RIMS2: variants seen among roughly 807,000 people sequenced by gnomAD.
RIMS2 encodes the protein regulating synaptic membrane exocytosis 2.
In RIMS2, 59 loss-of-function variants were observed where a neutral mutation model predicts 174.4. The ratio of observed to expected loss-of-function variants is 0.34; its 90% CI spans 0.27 to 0.42. RIMS2 has a LOEUF of 0.42. Among genes scored for constraint, RIMS2 ranks in the 10% least tolerant of loss-of-function variants. The pLI, the probability that RIMS2 is intolerant of heterozygous loss-of-function variation, is 1.00. For missense variants in RIMS2, 1,620 were observed against 1,666.3 expected (o/e 0.97, Z 0.48); for synonymous variants, 606 against 572.5 (o/e 1.06, Z -0.84).
intron 1 of RIMS2, among the ~76,000 whole-genome samples, chr8:103,543,663 A>G (rs897931264): frequency 2.6e-5 from 4 of 152,230 alleles, no homozygotes; most frequent in African/African-American, 9.6e-5. Flanking sequence ...GACCAGTGGA[A>G]CAGAATAGAG....
chr8:104,135,613 CAAAA>C (rs35163912), intron 19 of RIMS2, among the ~76,000 whole-genome samples: 3 of 79,686 alleles, frequency 3.8e-5, no homozygotes, highest in African/African-American at 9.3e-5. Context: ...CTCCCAACCT[CAAAA>C]AAAAAAAAAA....
chr8:103,843,374 ATATGCACTCCAGGCATAT>A (rs933739465), intron 3 of RIMS2, among the ~76,000 whole-genome samples: 6 of 152,122 alleles, frequency 3.9e-5, no homozygotes, highest in Admixed American at 1.3e-4. Context: ...AGCCTTGCTA[ATATGCACTCCAGGCATAT>A]TATGCACTCC....
intron 19 of RIMS2, among the ~76,000 whole-genome samples, chr8:104,085,370 G>A (rs2097519701): frequency 6.6e-6 from 1 of 152,152 alleles, no homozygotes; most frequent in Admixed American, 6.6e-5. Flanking sequence ...AGCTATGTTA[G>A]CTCACTGTAA....
chr8:103,644,079 A>G (rs2096280287), intron 1 of RIMS2, among the ~76,000 whole-genome samples: 1 of 151,850 alleles, frequency 6.6e-6, no homozygotes. Flanking sequence ...TTTCACCGAG[A>G]GAACCCGGTG....
intron 17 of RIMS2, among the ~76,000 whole-genome samples, chr8:104,006,277 C>G (rs116915026): frequency 6.6e-6 from 1 of 152,024 alleles, no homozygotes; most frequent in Non-Finnish European, 1.5e-5. Context: ...TGGCTGGGCG[C>G]GGTAGCTCAC....
rs140015653 is a variant in RIMS2, at chr8:104,155,852, A to T, written c.3335-89064A>T. 2.0e-5 allele frequency among the ~76,000 whole-genome samples: 3 copies of T among 152,198 alleles called. No homozygotes were observed. The South Asian group carries it at 6.2e-4, about 32-fold the overall frequency. On this transcript the variant is annotated intron_variant, in intron 19 of 23. Coordinates refer to ENST00000504942, the Ensembl canonical transcript of RIMS2. ...TAGTTAAGCTCTTCATCAGCCCCCA[A>T]TAAAGACACTATGACACTTTAAGAT...
intron 1 of RIMS2, among the ~76,000 whole-genome samples, chr8:103,638,882 A>G (rs1054943536): frequency 1.3e-5 from 2 of 152,016 alleles, no homozygotes; most frequent in African/African-American, 2.4e-5. Context: ...ACATATCTAT[A>G]TTTATTTCTC....
At chr8:104,195,182 T>C (rs1265258243) in intron 19 of RIMS2, among the ~76,000 whole-genome samples, 1 of 152,112 alleles carries the variant, frequency 6.6e-6, no homozygotes, top group Non-Finnish European at 1.5e-5. Context: ...GGCCCTGAAT[T>C]AGGGATTAAG....
intron 17 of RIMS2, among the ~76,000 whole-genome samples, chr8:104,012,594 T>A (rs1170402348): frequency 6.6e-6 from 1 of 152,068 alleles, no homozygotes; most frequent in East Asian, 1.9e-4. Flanking sequence ...AAAGCTAGTG[T>A]TTTTAAAGTC....
At chr8:103,755,719 G>C (rs10101232) in intron 2 of RIMS2, among the ~76,000 whole-genome samples, 34,918 of 151,794 alleles carry the variant, frequency 0.23, 4,296 homozygotes, top group Non-Finnish European at 0.25. Context: ...ATCAATTGAG[G>C]TAATCATACT....
chr8:103,774,973 T>G (rs556427884), intron 3 of RIMS2, among the ~76,000 whole-genome samples: 2 of 152,270 alleles, frequency 1.3e-5, no homozygotes, highest in Admixed American at 1.3e-4. Flanking sequence ...TGAAATTTTA[T>G]TAGTAGTAAA....
chr8:103,977,884 AC>A (rs2093583982), intron 16 of RIMS2, among the ~76,000 whole-genome samples: 1 of 152,224 alleles, frequency 6.6e-6, no homozygotes, highest in Admixed American at 6.5e-5. Flanking sequence ...GATTTGGGCA[AC>A]CTGGAAACTC....
chr8:103,929,550 C>T (rs1346071486), intron 11 of RIMS2, among the ~76,000 whole-genome samples: 3 of 151,208 alleles, frequency 2.0e-5, no homozygotes, highest in Admixed American at 6.6e-5. Flanking sequence ...CATGTCATGA[C>T]CCTCAGAGAA....
At chr8:103,747,850 G>C (rs903664646) in intron 2 of RIMS2, among the ~76,000 whole-genome samples, 10 of 152,114 alleles carry the variant, frequency 6.6e-5, no homozygotes, top group African/African-American at 2.2e-4. Flanking sequence ...CAAAATACAA[G>C]TATACTGAAG....
intron 19 of RIMS2, among the ~76,000 whole-genome samples, chr8:104,052,930 G>T (rs963044407): frequency 6.6e-6 from 1 of 152,150 alleles, no homozygotes; most frequent in African/African-American, 2.4e-5. Flanking sequence ...AGATGAGCCG[G>T]CAAAGTAGCT....
chr8:103,991,124 A>G (rs2094667607), intron 17 of RIMS2, among the ~76,000 whole-genome samples: 1 of 151,726 alleles, frequency 6.6e-6, no homozygotes, highest in Non-Finnish European at 1.5e-5. Context: ...TGCAACTGAA[A>G]CATCATTATA....
At chr8:103,707,842 G>A (rs1240151666) in intron 2 of RIMS2, among the ~76,000 whole-genome samples, 2 of 152,206 alleles carry the variant, frequency 1.3e-5, no homozygotes, top group African/African-American at 4.8e-5. Context: ...TGGGACTTGG[G>A]TTTGTACTGC....
At chr8:104,148,017 A>C (rs1042637755) in intron 19 of RIMS2, among the ~76,000 whole-genome samples, 3 of 149,064 alleles carry the variant, frequency 2.0e-5, no homozygotes, top group African/African-American at 7.4e-5. Flanking sequence ...GATTTATATC[A>C]GTAATGATTA....
intron 1 of RIMS2, among the ~76,000 whole-genome samples, chr8:103,592,581 A>G (rs965786005): frequency 4.6e-5 from 7 of 151,390 alleles, no homozygotes; most frequent in African/African-American, 1.7e-4. Context: ...TCAAAGTGTG[A>G]TATGTGGACC....
Sources: gnomAD v4.1 joint callset for allele counts (sites outside exome capture counted in the v4.1 genomes callset) on GRCh38, gnomAD v4.1.1 for gene constraint, MANE v1.5 for transcripts, NCBI Gene and HGNC (gene_info 2026-07-23, HGNC 2026-07-21) for gene names.